The following CNTNAP3 variants were observed in gnomAD, a reference collection of about 807,000 sequenced individuals.
CNTNAP3 encodes contactin-associated protein-like 3.
In CNTNAP3, 36 loss-of-function variants were observed where a neutral mutation model predicts 92.1. The ratio of observed to expected loss-of-function variants is 0.39; its 90% confidence interval spans 0.30 to 0.52. The LOEUF is 0.52. Ranked by LOEUF, CNTNAP3 falls within the 20% of genes least tolerant of loss-of-function variation. The pLI is 0.76. For synonymous variants in CNTNAP3, 232 were observed against 422.3 expected (o/e 0.55, Z 5.53); for missense variants, 534 against 1,069.6 (o/e 0.50, Z 6.98).
Position 39,068,962 on chromosome 9 carries a change from C to T in CNTNAP3, c.*4928G>A, listed in dbSNP as rs1362670978. ...AGGGTAAATATGCTCCCTATTACTCCATCTTAGCCAGAAGTAAAATAAGAA... is the reference window on the plus strand; with the variant it reads ...AGGGTAAATATGCTCCCTATTACTCTATCTTAGCCAGAAGTAAAATAAGAA... On this transcript the variant is annotated 3_prime_UTR_variant, in exon 24 of 24. Coordinates refer to ENST00000297668, the MANE Select transcript of CNTNAP3 (RefSeq NM_033655.5). Among the ~76,000 whole-genome samples the T allele has an allele frequency of 1.3e-5, 2 of 152,236 alleles. No homozygotes were observed. Among genetic ancestry groups the T allele is most frequent in the African/African-American group, 4.8e-5 (2 of 41,432 alleles).
chr9:39,109,609 G>A (rs1237897577), intron 14 of CNTNAP3, among the ~76,000 whole-genome samples: 3 of 152,160 alleles, frequency 2.0e-5, no homozygotes, highest in Admixed American at 6.5e-5. Context: ...TTATGGATAT[G>A]AAATCTGAAT....
chr9:39,084,617 A>G (rs1259169973), intron 21 of CNTNAP3, among the ~76,000 whole-genome samples: 2 of 152,306 alleles, frequency 1.3e-5, no homozygotes, highest in Admixed American at 6.5e-5. Context: ...TGGCTTCTCT[A>G]TTAGCCAACT....
At chr9:39,131,456 A>G (rs1821291361) in intron 13 of CNTNAP3, among the ~76,000 whole-genome samples, 1 of 151,968 alleles carries the variant, frequency 6.6e-6, no homozygotes, top group Middle Eastern at 3.2e-3. Context: ...GCTGGCAGGC[A>G]TCCAGGGGAG....
At chr9:39,147,479 A>C (rs985947333) in intron 10 of CNTNAP3, among the ~76,000 whole-genome samples, 2 of 152,222 alleles carry the variant, frequency 1.3e-5, no homozygotes, top group African/African-American at 4.8e-5. Context: ...TTTTCAAAAT[A>C]ATCTCAGAGG....
chr9:39,148,618 A>C (rs2872938), intron 10 of CNTNAP3, among the ~76,000 whole-genome samples: 1 of 147,152 alleles, frequency 6.8e-6, no homozygotes, highest in Non-Finnish European at 1.5e-5. Context: ...CTCCGCCTCC[A>C]CGGTTCACGC....
At chr9:39,079,090 G>A (rs1587694733) in intron 21 of CNTNAP3, among the ~76,000 whole-genome samples, 170 bp from the exon 22 acceptor site, 2 of 152,168 alleles carry the variant, frequency 1.3e-5, no homozygotes, top group South Asian at 4.1e-4. Flanking sequence ...TTACCTGTCT[G>A]GCAACTATTT....
chr9:39,074,219 G>GGGTGTTGC (rs1825696510), intron 23 of CNTNAP3, among the ~76,000 whole-genome samples: 2 of 151,618 alleles, frequency 1.3e-5, no homozygotes, highest in Admixed American at 1.3e-4. Context: ...TGTAGAGATG[G>GGGTGTTGC]GGTGTTGCTG....
rs1338738012 is a variant in CNTNAP3 at position 39,073,262 on chromosome 9, A to G, written c.*628T>C. On this transcript the variant is annotated 3_prime_UTR_variant, in exon 24 of 24. Transcript: ENST00000297668. ...ATAATGGTAGTGTTTCCAGGCTTCA[A>G]CTGTGTTGTATTAACCATCACACAG... 2 of 167,316 alleles carry G rather than the reference A, an allele frequency of 1.2e-5. No homozygotes were observed. The allele number at this position is 167,316 out of a possible 1,614,324, so 10.4% of individuals were successfully genotyped here. A position where few individuals can be genotyped will look rare whatever the true frequency, so the allele number is the denominator to read the frequency against.
At chr9:39,104,140 G>C (rs1021826391) in intron 15 of CNTNAP3, among the ~76,000 whole-genome samples, 1 of 152,084 alleles carries the variant, frequency 6.6e-6, no homozygotes, top group Non-Finnish European at 1.5e-5. Flanking sequence ...AAACAAAAGC[G>C]AAGCAAAAGC....
intron 11 of CNTNAP3, among the ~76,000 whole-genome samples, chr9:39,143,515 C>A (rs575810550): frequency 6.6e-5 from 10 of 152,098 alleles, no homozygotes; most frequent in Non-Finnish European, 8.8e-5. Context: ...AGTTACTTAA[C>A]CTCTTTCTGT....
chr9:39,086,076 G>C, intron 20 of CNTNAP3: 1 of 561,520 alleles, frequency 1.8e-6, no homozygotes, highest in Non-Finnish European at 3.2e-6. Context: ...CTTCATAATG[G>C]AAGGATCTAT....
chr9:39,168,289 T>C (rs1822209639), intron 8 of CNTNAP3, among the ~76,000 whole-genome samples: 1 of 150,524 alleles, frequency 6.6e-6, no homozygotes, highest in Admixed American at 6.6e-5. Flanking sequence ...ACTGCTGGGA[T>C]TACAGGCGTG....
rs1825606158 is a variant in CNTNAP3 at position 39,069,991 on chromosome 9, G to C, written c.*3899C>G. Among the ~76,000 whole-genome samples, 1 of 151,272 alleles carries C rather than the reference G, an allele frequency of 6.6e-6. No individual in the cohort carries two copies. The highest frequency in any genetic ancestry group is 2.4e-5 in the African/African-American group (1 of 41,118). On this transcript the variant is annotated 3_prime_UTR_variant, in exon 24 of 24. Coordinates refer to ENST00000297668, the MANE Select transcript of CNTNAP3 (RefSeq NM_033655.5). ...ATCTTGCCCCAGATTGGCCAATGAGGTAGTAGGTTAAACAGCCAATTCATC... is the reference window on the plus strand; with the variant it reads ...ATCTTGCCCCAGATTGGCCAATGAGCTAGTAGGTTAAACAGCCAATTCATC...
chr9:39,094,346 A>G (rs1319376455), intron 18 of CNTNAP3, among the ~76,000 whole-genome samples: 1 of 151,628 alleles, frequency 6.6e-6, no homozygotes, highest in Non-Finnish European at 1.5e-5. Flanking sequence ...TTTGATACAC[A>G]GAAGTTGTTA....
At chr9:39,151,691 A>G (rs1055371536) in intron 9 of CNTNAP3, among the ~76,000 whole-genome samples, 8 of 147,938 alleles carry the variant, frequency 5.4e-5, no homozygotes, top group African/African-American at 2.0e-4. Flanking sequence ...TGAAAGAGGC[A>G]CCTCATTTCA....
chr9:39,087,341 A>C (rs1287459367), intron 19 of CNTNAP3, among the ~76,000 whole-genome samples: 1 of 152,296 alleles, frequency 6.6e-6, no homozygotes, highest in Non-Finnish European at 1.5e-5. Flanking sequence ...TCCAAAAATG[A>C]GGACAAGAAA....
At chr9:39,134,034 A>G (rs1220446416) in intron 12 of CNTNAP3, among the ~76,000 whole-genome samples, 1 of 152,222 alleles carries the variant, frequency 6.6e-6, no homozygotes, top group Non-Finnish European at 1.5e-5. Context: ...GATACATTTT[A>G]CCTTGAGAAA....
At chr9:39,108,652 T>C (rs1003030215) in intron 15 of CNTNAP3, among the ~76,000 whole-genome samples, 2 of 152,160 alleles carry the variant, frequency 1.3e-5, no homozygotes, top group African/African-American at 2.4e-5. Flanking sequence ...CCTGGGCTTA[T>C]AGTGCCACTG....
intron 13 of CNTNAP3, among the ~76,000 whole-genome samples, chr9:39,131,626 G>C (rs1821295776): frequency 6.6e-6 from 1 of 152,070 alleles, no homozygotes; most frequent in East Asian, 1.9e-4. Context: ...AGGAGTTCAA[G>C]AACAGCCTGA....
Sources: gnomAD v4.1 joint callset for allele counts (sites outside exome capture counted in the v4.1 genomes callset) on GRCh38, gnomAD v4.1.1 for gene constraint, MANE v1.5 for transcripts, NCBI Gene and HGNC (gene_info 2026-07-23, HGNC 2026-07-21) for gene names.